SLC17A8: variants seen among roughly 807,000 people sequenced by gnomAD.
The protein encoded by SLC17A8 is solute carrier family 17 member 8, also known as vesicular glutamate transporter 3.
A neutral mutation model predicts 58.0 loss-of-function variants in SLC17A8; 31 were observed. The observed-to-expected ratio is 0.53, with a 90% CI of 0.40 to 0.72. The LOEUF (loss-of-function observed/expected upper bound fraction) is 0.72, where lower values mean the gene tolerates loss of function less well. SLC17A8 is among the 30% of genes least tolerant of loss of function. The pLI is 0.00. For synonymous variants in SLC17A8, 228 were observed against 249.0 expected, an observed-to-expected ratio of 0.92 and a Z score of 0.79; for missense variants, 655 against 727.8, an observed-to-expected ratio of 0.90 and a Z score of 1.15.
chr12:100,411,899 A>T (rs1160868976), intron 9 of SLC17A8, among the ~76,000 whole-genome samples: 3 of 151,420 alleles, frequency 2.0e-5, no homozygotes, highest in African/African-American at 7.3e-5. Flanking sequence ...AAATAGAAAA[A>T]TTTTGACTTT....
At chr12:100,405,073 G>A (rs1952817821) in intron 9 of SLC17A8, among the ~76,000 whole-genome samples, 2 of 152,256 alleles carry the variant, frequency 1.3e-5, no homozygotes, top group Admixed American at 1.3e-4. Flanking sequence ...TAGAAGTGAA[G>A]ACTATACCGA....
chr12:100,369,565 T>G (rs1272406467), intron 1 of SLC17A8, among the ~76,000 whole-genome samples: 2 of 152,260 alleles, frequency 1.3e-5, no homozygotes, highest in Non-Finnish European at 2.9e-5. Context: ...CTTCTTGTTC[T>G]GTCCCGTATC....
At chr12:100,377,355 A>C (rs1952601305) in intron 1 of SLC17A8, among the ~76,000 whole-genome samples, 1 of 152,054 alleles carries the variant, frequency 6.6e-6, no homozygotes, top group Non-Finnish European at 1.5e-5. Flanking sequence ...TAAGTTTGAT[A>C]ACTCATTTAT....
chr12:100,407,115 G>C (rs7303930), intron 9 of SLC17A8, among the ~76,000 whole-genome samples: 58,594 of 152,118 alleles, frequency 0.39, 12,526 homozygotes, highest in Non-Finnish European at 0.47. Context: ...CCTATAAAAA[G>C]TTCTCAACAA....
intron 4 of SLC17A8, among the ~76,000 whole-genome samples, chr12:100,393,876 T>G (rs1952733735): frequency 1.3e-5 from 2 of 152,188 alleles, no homozygotes; most frequent in East Asian, 3.8e-4. Context: ...TTTAATTCAA[T>G]GAAGGAGGCA....
chr12:100,366,992 G>A (rs1952524713), intron 1 of SLC17A8, among the ~76,000 whole-genome samples: 1 of 152,168 alleles, frequency 6.6e-6, no homozygotes, highest in African/African-American at 2.4e-5. Flanking sequence ...GCCAGAAGAG[G>A]ACAGCAGCTT....
Position 100,362,030 on chromosome 12 carries a change from A to G in SLC17A8, c.101+4538A>G, listed in dbSNP as rs978074489. Among the ~76,000 whole-genome samples the G allele has an allele frequency of 3.3e-4, 51 of 152,298 alleles. 1 individual carries two copies. The highest frequency in any genetic ancestry group is 1.2e-3 in the African/African-American group (49 of 41,574). ...GCAAGGATGCATGCTCACAATGCCC[A>G]GTGGCCAGATCCAAAGGGGAAGGCT... On this transcript the variant is annotated intron_variant, in intron 1 of 11. Coordinates refer to ENST00000323346, the MANE Select transcript of SLC17A8 (RefSeq NM_139319.3).
At chr12:100,402,879 G>T in intron 8 of SLC17A8, 134 bp downstream of exon 8, 1 of 902,332 alleles carries the variant, frequency 1.1e-6, no homozygotes. Context: ...TAGCCTGGCT[G>T]TCAGACAAGT....
Position 100,404,302 on chromosome 12 carries a change from C to A in SLC17A8, c.1186+132C>A, listed in dbSNP as rs1234914751. 7.6e-6 allele frequency: 9 copies of A among 1,179,740 alleles called. No individual in the cohort carries two copies. The East Asian group carries it at 1.8e-4, about 23-fold the overall frequency. 73.1% of individuals were successfully genotyped at this position (1,179,740 alleles called of 1,614,324 possible). ...AAAGACCTCTAAGTCTGTCCCTCAG[C>A]AGACACTTGAGTGTTGTCCATCACA... On this transcript the variant is annotated intron_variant, in intron 9 of 11. Transcript: ENST00000323346.
chr12:100,399,532 T>G (rs77582926), intron 5 of SLC17A8, among the ~76,000 whole-genome samples: 237 of 152,080 alleles, frequency 1.6e-3, no homozygotes, highest in African/African-American at 5.5e-3. Context: ...TCAAGGAACT[T>G]ACAATCACGG....
At position 100,418,883 on chromosome 12, in the gene SLC17A8, A is replaced by G. The variant is rs73376064; in HGVS notation, c.1425+727A>G. Among the ~76,000 whole-genome samples, 642 of 152,300 alleles carry G rather than the reference A, an allele frequency of 4.2e-3. 8 individuals are homozygous for G. Among genetic ancestry groups the G allele is most frequent in the African/African-American group, 0.015 (612 of 41,562 alleles). ...GTGAGATAAATTTTCTTACTTTTTG[A>G]CAGAAAAGGTAGGATTTTATAGGCA... On this transcript the variant is annotated intron_variant, in intron 11 of 11. Transcript: ENST00000323346.
intron 1 of SLC17A8, among the ~76,000 whole-genome samples, chr12:100,367,705 C>T (rs2135972848): frequency 6.6e-6 from 1 of 152,136 alleles, no homozygotes; most frequent in South Asian, 2.1e-4. Flanking sequence ...TGCGAGCCAC[C>T]ATGCTTGGCT....
rs985937174 is a variant in SLC17A8 at position 100,421,997 on chromosome 12, G to A, written c.*1838G>A. 6.6e-6 allele frequency: 1 copy of A among 151,728 alleles called. No homozygotes were observed. The highest frequency in any genetic ancestry group is 1.5e-5 in the Non-Finnish European group (1 of 67,916). The allele number at this position is 151,728 out of a possible 1,614,324, so 9.4% of individuals were successfully genotyped here. ...ATGTCATTTTTATCCATTATCCCTG[G>A]AACTTATTGTGAAAGTTGTGCTGTT... On this transcript the variant is annotated 3_prime_UTR_variant, in exon 12 of 12. Coordinates refer to ENST00000323346, the MANE Select transcript of SLC17A8 (RefSeq NM_139319.3).
At chr12:100,416,057 G>C (rs1402927010) in intron 10 of SLC17A8, among the ~76,000 whole-genome samples, 1 of 152,214 alleles carries the variant, frequency 6.6e-6, no homozygotes. Flanking sequence ...AAATAGGCAA[G>C]AGATGAGTGA....
At chr12:100,358,773 TAA>T (rs1479711230) in intron 1 of SLC17A8, among the ~76,000 whole-genome samples, 2 of 152,156 alleles carry the variant, frequency 1.3e-5, no homozygotes. Flanking sequence ...AACGCAAAAA[TAA>T]TTTTTGCATA....
intron 11 of SLC17A8, among the ~76,000 whole-genome samples, chr12:100,419,024 C>T (rs1566406958): frequency 1.3e-5 from 2 of 151,986 alleles, no homozygotes; most frequent in Admixed American, 6.6e-5. Flanking sequence ...TTTTGACATA[C>T]TTTTTTTTAC....
chr12:100,379,018 C>T (rs1952613663), intron 1 of SLC17A8, among the ~76,000 whole-genome samples: 1 of 152,174 alleles, frequency 6.6e-6, no homozygotes, highest in Non-Finnish European at 1.5e-5. Context: ...TCTATTGCTC[C>T]CCAATACTTA....
At chr12:100,377,738 G>A (rs1200472555) in intron 1 of SLC17A8, among the ~76,000 whole-genome samples, 1 of 151,844 alleles carries the variant, frequency 6.6e-6, no homozygotes, top group African/African-American at 2.4e-5. Context: ...ACAGGCGCGT[G>A]CCACCACGGC....
intron 1 of SLC17A8, 111 bp from the exon 2 acceptor site, chr12:100,380,590 G>T (rs1017391204): frequency 1.3e-5 from 14 of 1,085,226 alleles, no homozygotes; most frequent in Non-Finnish European, 1.8e-5. Context: ...TCTACTATGG[G>T]TCTTCCTTTT....
Sources: allele counts gnomAD v4.1 joint callset (sites outside exome capture counted in the v4.1 genomes callset), GRCh38; gene constraint gnomAD v4.1.1; transcripts MANE v1.5; gene names NCBI Gene and HGNC (gene_info 2026-07-23, HGNC 2026-07-21).